Variants in STIM2 observed in about 807,000 individuals in gnomAD.
The protein encoded by STIM2 is stromal interaction molecule 2.
A neutral mutation model predicts 85.8 loss-of-function variants in STIM2; 31 were observed. That is an observed-to-expected ratio of 0.36 (90% CI 0.27 to 0.49). The LOEUF (loss-of-function observed/expected upper bound fraction) is 0.49, where lower values mean the gene tolerates loss of function less well. STIM2 is among the 20% of genes least tolerant of loss of function. The pLI, the probability that STIM2 is intolerant of heterozygous loss-of-function variation, is 0.98. For synonymous variants in STIM2, 356 were observed against 331.1 expected (o/e 1.08, Z -0.82); for missense variants, 841 against 927.6 (o/e 0.91, Z 1.21).
At chr4:27,015,868 C>A (rs1318788686) in intron 10 of STIM2, among the ~76,000 whole-genome samples, 1 of 142,932 alleles carries the variant, frequency 7.0e-6, no homozygotes, top group Non-Finnish European at 1.5e-5. Context: ...GAAAAAAAAA[C>A]ACTAGCCATT....
chr4:26,869,909 G>A (rs2109027887), intron 1 of STIM2, among the ~76,000 whole-genome samples: 1 of 151,380 alleles, frequency 6.6e-6, no homozygotes, highest in Middle Eastern at 3.4e-3. Context: ...CAACCTTAAC[G>A]TTCATCAATG....
chr4:26,952,510 C>A (rs1190009703), intron 2 of STIM2, among the ~76,000 whole-genome samples: 1 of 151,846 alleles, frequency 6.6e-6, no homozygotes, highest in African/African-American at 2.4e-5. Flanking sequence ...TTTTGCACTT[C>A]ATGTGAAATA....
At chr4:26,937,826 G>A (rs528986969) in intron 2 of STIM2, among the ~76,000 whole-genome samples, 1 of 152,216 alleles carries the variant, frequency 6.6e-6, no homozygotes, top group Admixed American at 6.5e-5. Context: ...ATTGATCTAA[G>A]TTTTGTGCCA....
intron 10 of STIM2, among the ~76,000 whole-genome samples, chr4:27,014,871 T>C (rs1329641003): frequency 6.6e-6 from 1 of 151,982 alleles, no homozygotes; most frequent in East Asian, 1.9e-4. Context: ...TCAGGTATAA[T>C]ACCTTCTTTA....
chr4:27,010,129 G>A (rs1209596480), intron 10 of STIM2, among the ~76,000 whole-genome samples: 1 of 152,126 alleles, frequency 6.6e-6, no homozygotes, highest in Non-Finnish European at 1.5e-5. Flanking sequence ...AAAAGTACAA[G>A]AGTTGATTTT....
chr4:27,000,319 A>G (rs1210962427), intron 5 of STIM2, among the ~76,000 whole-genome samples: 2 of 152,244 alleles, frequency 1.3e-5, no homozygotes, highest in East Asian at 1.9e-4. Context: ...CCCATATGAG[A>G]GCTGGTGGAA....
chr4:26,923,661 A>G (rs1430643821), intron 2 of STIM2, among the ~76,000 whole-genome samples: 13 of 98,894 alleles, frequency 1.3e-4, no homozygotes, highest in African/African-American at 3.9e-4. Flanking sequence ...GACAGGATCA[A>G]ATTCACACAT....
chr4:26,891,744 G>T (rs1156746881), intron 1 of STIM2, among the ~76,000 whole-genome samples: 1 of 152,132 alleles, frequency 6.6e-6, no homozygotes, highest in Non-Finnish European at 1.5e-5. Flanking sequence ...CTTGATTTTA[G>T]GAGGGACTAG....
At position 27,008,796 on chromosome 4, in the gene STIM2, G is replaced by A. The variant is rs747013033; in HGVS notation, c.1283G>A (p.Arg428Gln). Residue 428 changes from arginine (R) to glutamine (Q), a missense_variant, in exon 10 of 12, where the codon CGA (arginine) becomes CAA (glutamine). Physicochemically the swap from Arg to Gln is conservative, Grantham distance 43. This residue lies in a region of STIM2 where 408 missense variants were observed against 525.4 expected (regional missense o/e 0.78). Coordinates refer to ENST00000467087, the MANE Select transcript of STIM2 (RefSeq NM_020860.4). Reference sequence around the variant, plus strand: ...CTCTCTGAGTTGACAACTTGTTTACGAGAACGACTTTTTCGCTGGCAACAA... The same window carrying A: ...CTCTCTGAGTTGACAACTTGTTTACAAGAACGACTTTTTCGCTGGCAACAA... The A allele has an allele frequency of 2.3e-5, 37 of 1,613,994 alleles. No homozygotes were observed. The South Asian group carries it at 2.6e-4, about 11-fold the overall frequency.
Position 26,861,136 on chromosome 4 carries a change from C to T in STIM2, c.-83C>T, listed in dbSNP as rs1577399749. ...GCCGGGGCGCCGCTGCGCTTTCACC[C>T]GGCTTCTCCTCGGCGCCTTCATCCC... On this transcript the variant is annotated 5_prime_UTR_variant, in exon 1 of 12. Transcript: ENST00000467087. The T allele has an allele frequency of 4.0e-6, 5 of 1,263,886 alleles. No homozygotes were observed. The highest frequency in any genetic ancestry group is 5.3e-5 in the South Asian group (2 of 37,746). The allele number at this position is 1,263,886 out of a possible 1,614,324, so 78.3% of individuals were successfully genotyped here. A position where few individuals can be genotyped will look rare whatever the true frequency, so the allele number is the denominator to read the frequency against.
chr4:26,961,626 G>A (rs1455471712), intron 3 of STIM2, among the ~76,000 whole-genome samples: 1 of 152,204 alleles, frequency 6.6e-6, no homozygotes, highest in Admixed American at 6.5e-5. Context: ...AATAATAGCA[G>A]TAAGTTTAGG....
chr4:26,897,110 A>G (rs926263667), intron 1 of STIM2, among the ~76,000 whole-genome samples: 1 of 152,174 alleles, frequency 6.6e-6, no homozygotes. Context: ...ATGGAAGTCC[A>G]TTTGAGTTGT....
At position 26,980,829 on chromosome 4, in the gene STIM2, A is replaced by G. The variant is rs557002866; in HGVS notation, c.398-14550A>G. On this transcript the variant is annotated intron_variant, in intron 3 of 11. Coordinates refer to ENST00000467087, the MANE Select transcript of STIM2 (RefSeq NM_020860.4). Reference sequence around the variant, plus strand: ...TAAGTATTTTTATAGTGCTTTATTAATTTTTTTGCTAGATAAACATCTTAA... The same window carrying G: ...TAAGTATTTTTATAGTGCTTTATTAGTTTTTTTGCTAGATAAACATCTTAA... Among the ~76,000 whole-genome samples, 6 of 152,202 alleles carry G rather than the reference A, an allele frequency of 3.9e-5. No individual in the cohort carries two copies. In the South Asian group the frequency reaches 1.0e-3, roughly 26 times the overall value.
chr4:26,880,391 T>G (rs1390698147), intron 1 of STIM2, among the ~76,000 whole-genome samples: 13 of 152,070 alleles, frequency 8.5e-5, no homozygotes, highest in Admixed American at 8.5e-4. Flanking sequence ...CGGTATTTTG[T>G]TAATTTCCTT....
Position 26,938,596 on chromosome 4 carries a change from T to C in STIM2, c.282+18962T>C, listed in dbSNP as rs902467388. On this transcript the variant is annotated intron_variant, in intron 2 of 11. Transcript: ENST00000467087. ...CTGACTGCTGCAGTCACTGATCACA[T>C]AGTCTCAGGAGAGAGTTCTGCTCTA... 2.0e-5 allele frequency among the ~76,000 whole-genome samples: 3 copies of C among 152,184 alleles called. No homozygotes were observed. In the East Asian group the frequency reaches 5.8e-4, roughly 29 times the overall value.
intron 4 of STIM2, among the ~76,000 whole-genome samples, chr4:26,998,252 C>T (rs180930671): frequency 1.3e-5 from 2 of 152,250 alleles, no homozygotes; most frequent in East Asian, 3.9e-4. Flanking sequence ...CTTGTATTTA[C>T]AGTCCATAAT....
chr4:27,017,656 A>T, intron 10 of STIM2, 55 bp from the exon 11 acceptor site: 1 of 1,597,050 alleles, frequency 6.3e-7, no homozygotes. Flanking sequence ...ATTTGTGGTG[A>T]CTGTAAAGGG....
intron 2 of STIM2, among the ~76,000 whole-genome samples, chr4:26,948,253 G>A (rs1725918668): frequency 6.6e-6 from 1 of 152,152 alleles, no homozygotes; most frequent in Non-Finnish European, 1.5e-5. Flanking sequence ...AGCAGAGAGA[G>A]CTTATTTTTT....
At chr4:27,021,135 C>T (rs969971570) in intron 11 of STIM2, 8 of 1,381,624 alleles carry the variant, frequency 5.8e-6, no homozygotes, top group Non-Finnish European at 7.9e-6. Flanking sequence ...ACCCACCCTT[C>T]CATTCATTCA....
Sources: allele counts gnomAD v4.1 joint callset (sites outside exome capture counted in the v4.1 genomes callset), GRCh38; gene constraint gnomAD v4.1.1; regional missense constraint gnomAD v4.1.1; transcripts MANE v1.5; gene names NCBI Gene and HGNC (gene_info 2026-07-23, HGNC 2026-07-21).